FAM181B: variants seen among roughly 807,000 people sequenced by gnomAD.
The protein encoded by FAM181B is protein FAM181B.
In FAM181B, 13 loss-of-function variants were observed where a neutral mutation model predicts 17.8. The ratio of observed to expected loss-of-function variants is 0.73; its 90% confidence interval spans 0.48 to 1.16. The LOEUF (loss-of-function observed/expected upper bound fraction) is 1.16, where lower values mean the gene tolerates loss of function less well. Ranked by LOEUF, FAM181B falls within the 50% of genes most tolerant of loss-of-function variation. The pLI is 0.00. For missense variants in FAM181B, 725 were observed against 634.1 expected, an observed-to-expected ratio of 1.14 and a Z score of -1.54; for synonymous variants, 338 against 316.5, an observed-to-expected ratio of 1.07 and a Z score of -0.72.
At position 82,733,204 on chromosome 11, in the gene FAM181B, G is replaced by C; in HGVS notation, c.526C>G (p.Pro176Ala). The change falls in exon 1 of 1, where the codon CCC becomes GCC. Residue 176 changes from proline (P) to alanine (A), a missense_variant. Pro to Ala is a conservative substitution (Grantham distance 27, BLOSUM62 -1). Transcript: ENST00000329203. ...AALFDSLRHV[P>A]GGAEPAGGEV... ...CCCCCCGCCGGCTCGGCACCCCCGG[G>C]GACGTGGCGCAGCGAGTCGAAGAGC... is the stretch of plus-strand genomic sequence containing the variant. 7.6e-7 allele frequency: 1 copy of C among 1,322,522 alleles called. No homozygotes were observed. Among genetic ancestry groups the C allele is most frequent in the Non-Finnish European group, 9.6e-7 (1 of 1,044,278 alleles). The allele number at this position is 1,322,522 out of a possible 1,614,324, so 81.9% of individuals were successfully genotyped here.
In FAM181B at chr11:82,732,740, G is replaced by A. The variant is rs1333509408; in HGVS notation, c.990C>T (p.Ser330=). 2 of 1,457,910 alleles carry A rather than the reference G, an allele frequency of 1.4e-6. No individual in the cohort carries two copies. The highest frequency in any genetic ancestry group is 2.5e-5 in the East Asian group (1 of 39,678). The allele number at this position is 1,457,910 out of a possible 1,614,324, so 90.3% of individuals were successfully genotyped here. ...CAGTCAGGGGGCTCTTTTTGGTCGG[G>A]GAGCAGCCCGGGACGCTCCAGGGCT... The part of the protein sequence containing the change: ...YPEPWSVPGC[S]PTKKSPLTAP... The change falls in exon 1 of 1, where the codon TCC becomes TCT. Residue 330 remains serine, a synonymous_variant. Coordinates refer to ENST00000329203, the MANE Select transcript of FAM181B (RefSeq NM_175885.4).
rs1857132853 is a variant in FAM181B, at chr11:82,731,795, G to C, written c.*654C>G. The stretch of plus-strand genomic sequence containing the variant: ...GAAGGAAAGTAAGCACTGGGACTGT[G>C]ATAAGGGTGGAGGGAGATGGAAGCA... On this transcript the variant is annotated 3_prime_UTR_variant, in exon 1 of 1. Coordinates refer to ENST00000329203, the MANE Select transcript of FAM181B (RefSeq NM_175885.4). 1 of 152,428 alleles carries C rather than the reference G, an allele frequency of 6.6e-6. No individual in the cohort carries two copies. The highest frequency in any genetic ancestry group is 1.5e-5 in the Non-Finnish European group (1 of 68,164). 9.4% of individuals were successfully genotyped at this position (152,428 alleles called of 1,614,324 possible).
At position 82,732,703 on chromosome 11, in the gene FAM181B, C is replaced by T. The variant is rs1034579715; in HGVS notation, c.1027G>A (p.Gly343Ser). ...KKSPLTAPRGGLTLNEPLSPL... is the reference protein window; with the variant it reads ...KKSPLTAPRGSLTLNEPLSPL... ...CTCAAGGGCTCGTTCAAGGTCAAGC[C>T]GCCGCGGGGGGCAGTCAGGGGGCTC... The change falls in exon 1 of 1, where the codon GGC becomes AGC. Residue 343 changes from glycine to serine, a missense_variant. Transcript: ENST00000329203. 2 of 1,457,374 alleles carry T rather than the reference C, an allele frequency of 1.4e-6. No individual in the cohort carries two copies. The highest frequency in any genetic ancestry group is 1.5e-5 in the South Asian group (1 of 68,792). The allele number at this position is 1,457,374 out of a possible 1,614,324, so 90.3% of individuals were successfully genotyped here.
Position 82,733,643 on chromosome 11 carries a change from GA to G in FAM181B, c.86del (p.Phe29SerfsTer63). ...AACAGCAGCCCTTGTCCAGGGCTCC[GA>G]AGGCGCCCCCTAGCCCGTCCGGGGA... ...GGSPDGLGGA[F>X]GALDKGCCFE... On this transcript the variant is annotated frameshift_variant, in exon 1 of 1. Coordinates refer to ENST00000329203, the MANE Select transcript of FAM181B (RefSeq NM_175885.4). LOFTEE classifies it high-confidence loss of function. 6.3e-7 allele frequency: 1 copy of G among 1,593,192 alleles called. No individual in the cohort carries two copies.
rs199979593 is a variant in FAM181B at position 82,732,678 on chromosome 11, C to G, written c.1052G>C (p.Ser351Thr). The change falls in exon 1 of 1, where the codon AGC becomes ACC. Residue 351 changes from serine to threonine, a missense_variant. Transcript: ENST00000329203. ...ATCCGCAGCGGCGGGGTACAGGGGGCTCAAGGGCTCGTTCAAGGTCAAGCC... is the reference window on the plus strand; with the variant it reads ...ATCCGCAGCGGCGGGGTACAGGGGGGTCAAGGGCTCGTTCAAGGTCAAGCC... Reference protein sequence around the residue: ...RGGLTLNEPLSPLYPAAADSP... With the variant: ...RGGLTLNEPLTPLYPAAADSP... 3 of 1,470,110 alleles carry G rather than the reference C, an allele frequency of 2.0e-6. No homozygotes were observed. The African/African-American group carries it at 4.3e-5, about 21-fold the overall frequency. The allele number at this position is 1,470,110 out of a possible 1,614,324, so 91.1% of individuals were successfully genotyped here. A position where few individuals can be genotyped will look rare whatever the true frequency, so the allele number is the denominator to read the frequency against.
At position 82,732,733 on chromosome 11, in the gene FAM181B, T is replaced by A. The variant is rs1220020462; in HGVS notation, c.997A>T (p.Lys333Ter). 6.9e-7 allele frequency: 1 copy of A among 1,457,280 alleles called. No individual in the cohort carries two copies. Among genetic ancestry groups the A allele is most frequent in the East Asian group, 2.5e-5 (1 of 39,598 alleles). The allele number at this position is 1,457,280 out of a possible 1,614,324, so 90.3% of individuals were successfully genotyped here. A position where few individuals can be genotyped will look rare whatever the true frequency, so the allele number is the denominator to read the frequency against. Residue 333 changes from lysine to a stop codon, truncating the protein, a stop_gained, in exon 1 of 1, where the codon AAA becomes TAA. Transcript: ENST00000329203. LOFTEE classifies it high-confidence loss of function. ...PWSVPGCSPT[K>*]KSPLTAPRGG... ...CGGGGGGCAGTCAGGGGGCTCTTTTTGGTCGGGGAGCAGCCCGGGACGCTC... is the reference window on the plus strand; with the variant it reads ...CGGGGGGCAGTCAGGGGGCTCTTTTAGGTCGGGGAGCAGCCCGGGACGCTC...
In FAM181B at chr11:82,732,416, G is replaced by C. The variant is rs200966416; in HGVS notation, c.*33C>G. On this transcript the variant is annotated 3_prime_UTR_variant, in exon 1 of 1. Coordinates refer to ENST00000329203, the MANE Select transcript of FAM181B (RefSeq NM_175885.4). ...CCACGGAGGCGCGGCGCTCTCCACA[G>C]CCGTCTCTAATGAAGGGAAGCGTGC... 2 of 1,603,408 alleles carry C rather than the reference G, an allele frequency of 1.2e-6. No homozygotes were observed. Among genetic ancestry groups the C allele is most frequent in the South Asian group, 1.1e-5 (1 of 90,348 alleles).
At position 82,732,292 on chromosome 11, in the gene FAM181B, A is replaced by G; in HGVS notation, c.*157T>C. 1 of 706,938 alleles carries G rather than the reference A, an allele frequency of 1.4e-6. No individual in the cohort carries two copies. 43.8% of individuals were successfully genotyped at this position (706,938 alleles called of 1,614,324 possible). Reference sequence around the variant, plus strand: ...ATTAAACAATCCCCAACTCGTCTTCATCTCTTTTTTCTGAAGTTGCTTTTA... The same window carrying G: ...ATTAAACAATCCCCAACTCGTCTTCGTCTCTTTTTTCTGAAGTTGCTTTTA... On this transcript the variant is annotated 3_prime_UTR_variant, in exon 1 of 1. Coordinates refer to ENST00000329203, the MANE Select transcript of FAM181B (RefSeq NM_175885.4).
Position 82,730,512 on chromosome 11 carries a change from T to TTTAGACAAA in FAM181B, c.*1928_*1936dup, listed in dbSNP as rs1381631883. The TTTAGACAAA allele has an allele frequency of 2.0e-5, 3 of 152,154 alleles. No individual in the cohort carries two copies. The highest frequency in any genetic ancestry group is 4.4e-5 in the Non-Finnish European group (3 of 68,024). The allele number at this position is 152,154 out of a possible 1,614,324, so 9.4% of individuals were successfully genotyped here. ...GTATCCTGGATTGTATTCACAACAG[T>TTTAGACAAA]TTAGACAAATTAAATCGTTATTAAG... On this transcript the variant is annotated 3_prime_UTR_variant, in exon 1 of 1. Coordinates refer to ENST00000329203, the MANE Select transcript of FAM181B (RefSeq NM_175885.4).
Position 82,733,674 on chromosome 11 carries a change from C to G in FAM181B, c.56G>C (p.Gly19Ala), listed in dbSNP as rs779968719. ...GCCCCCTAGCCCGTCCGGGGAGCCC[C>G]CGAAGCCGAAGGGCACGAAAGGGTG... ...STHPFVPFGFGGSPDGLGGAF... is the reference protein window; with the variant it reads ...STHPFVPFGFAGSPDGLGGAF... Residue 19 changes from glycine (G) to alanine (A), a missense_variant, in exon 1 of 1, where the codon GGG becomes GCG. Coordinates refer to ENST00000329203, the MANE Select transcript of FAM181B (RefSeq NM_175885.4). 8 of 1,544,038 alleles carry G rather than the reference C, an allele frequency of 5.2e-6. No individual in the cohort carries two copies. The highest frequency in any genetic ancestry group is 1.7e-4 in the Middle Eastern group (1 of 5,930).
In FAM181B at chr11:82,732,861, A is replaced by C. The variant is rs548092872; in HGVS notation, c.869T>G (p.Phe290Cys). The stretch of plus-strand genomic sequence containing the variant: ...CCGCAGTACGGAGGCTCCGGCGGGG[A>C]ACACGTCGAGAGGCTCGGCGGCAAG... ...VLLAAEPLDV[F>C]PAGASVLRGP... The change falls in exon 1 of 1, where the codon TTC becomes TGC. Residue 290 changes from phenylalanine to cysteine, a missense_variant. Coordinates refer to ENST00000329203, the MANE Select transcript of FAM181B (RefSeq NM_175885.4). 9 of 1,541,070 alleles carry C rather than the reference A, an allele frequency of 5.8e-6. No individual in the cohort carries two copies. In the Admixed American group the frequency reaches 1.6e-4, roughly 27 times the overall value.
Position 82,733,342 on chromosome 11 carries a change from C to T in FAM181B, c.388G>A (p.Ala130Thr), listed in dbSNP as rs1192004961. Residue 130 changes from alanine to threonine, a missense_variant, in exon 1 of 1, where the codon GCC (alanine) becomes ACC (threonine). Physicochemically the swap from Ala to Thr is moderately conservative, Grantham distance 58 (BLOSUM62 0). Coordinates refer to ENST00000329203, the MANE Select transcript of FAM181B (RefSeq NM_175885.4). The part of the protein sequence containing the change: ...AADTPAKRPL[A>T]APSAPTVAAP... Reference sequence around the variant, plus strand: ...GCGACTGTCGGGGCGCTAGGGGCGGCCAGCGGCCGTTTGGCTGGCGTGTCG... The same window carrying T: ...GCGACTGTCGGGGCGCTAGGGGCGGTCAGCGGCCGTTTGGCTGGCGTGTCG... 7.6e-7 allele frequency: 1 copy of T among 1,322,866 alleles called. No homozygotes were observed. 81.9% of individuals were successfully genotyped at this position (1,322,866 alleles called of 1,614,324 possible).
Position 82,732,537 on chromosome 11 carries a change from C to A in FAM181B, c.1193G>T (p.Gly398Val). The change falls in exon 1 of 1, where the codon GGC becomes GTC. Residue 398 changes from glycine (G) to valine (V), a missense_variant. Physicochemically the swap from Gly to Val is moderately radical, Grantham distance 109. Transcript: ENST00000329203. The stretch of plus-strand genomic sequence containing the variant: ...GCTGGAATAGGCGGTGCGGCTGTAG[C>A]CCGCGCTGTAATCGTAGGACACCTG... The part of the protein sequence containing the change: ...PHQVSYDYSA[G>V]YSRTAYSSLW... 1 of 1,612,158 alleles carries A rather than the reference C, an allele frequency of 6.2e-7. No individual in the cohort carries two copies. The highest frequency in any genetic ancestry group is 8.5e-7 in the Non-Finnish European group (1 of 1,179,722).
At position 82,732,889 on chromosome 11, in the gene FAM181B, A is replaced by C; in HGVS notation, c.841T>G (p.Leu281Val). The C allele has an allele frequency of 1.9e-6, 3 of 1,543,454 alleles. No individual in the cohort carries two copies. The highest frequency in any genetic ancestry group is 2.6e-6 in the Non-Finnish European group (3 of 1,147,392). The part of the protein sequence containing the change: ...DYGAGTEAAV[L>V]LAAEPLDVFP... ...ACGTCGAGAGGCTCGGCGGCAAGCA[A>C]GACTGCCGCCTCCGTGCCGGCGCCG... The change falls in exon 1 of 1, where the codon TTG becomes GTG. Residue 281 changes from leucine (L) to valine (V), a missense_variant. By Grantham distance (32) the Leu-to-Val change is conservative. Coordinates refer to ENST00000329203, the MANE Select transcript of FAM181B (RefSeq NM_175885.4).
In FAM181B at chr11:82,730,189, C is replaced by T. The variant is rs1857113562; in HGVS notation, c.*2260G>A. 1 of 152,172 alleles carries T rather than the reference C, an allele frequency of 6.6e-6. No individual in the cohort carries two copies. The highest frequency in any genetic ancestry group is 6.5e-5 in the Admixed American group (1 of 15,272). 9.4% of individuals were successfully genotyped at this position (152,172 alleles called of 1,614,324 possible). A position where few individuals can be genotyped will look rare whatever the true frequency, so the allele number is the denominator to read the frequency against. ...AATCACCTTCCACTAGGACCTCCCTCGACATGTGGGGATTACAATTAGAGA... is the reference window on the plus strand; with the variant it reads ...AATCACCTTCCACTAGGACCTCCCTTGACATGTGGGGATTACAATTAGAGA... On this transcript the variant is annotated 3_prime_UTR_variant, in exon 1 of 1. Transcript: ENST00000329203.
In FAM181B at chr11:82,732,631, G is replaced by A; in HGVS notation, c.1099C>T (p.Arg367Trp). The A allele has an allele frequency of 6.6e-7, 1 of 1,521,492 alleles. No individual in the cohort carries two copies. The highest frequency in any genetic ancestry group is 8.8e-7 in the Non-Finnish European group (1 of 1,132,858). 94.2% of individuals were successfully genotyped at this position (1,521,492 alleles called of 1,614,324 possible). ...GGGGCGAAAGAGGCCAAATGGCCCC[G>A]CCCGTCCTCCCCGCCGGGAGAATCC... Reference protein sequence around the residue: ...AADSPGGEDGRGHLASFAPFF... With the variant: ...AADSPGGEDGWGHLASFAPFF... Residue 367 changes from arginine to tryptophan, a missense_variant, in exon 1 of 1, where the codon CGG becomes TGG. Transcript: ENST00000329203.
rs1160658074 is a variant in FAM181B at position 82,733,686 on chromosome 11, G to A, written c.44C>T (p.Pro15Leu). 3 of 1,526,924 alleles carry A rather than the reference G, an allele frequency of 2.0e-6. No individual in the cohort carries two copies. The African/African-American group carries it at 4.2e-5, about 21-fold the overall frequency. The allele number at this position is 1,526,924 out of a possible 1,614,324, so 94.6% of individuals were successfully genotyped here. A position where few individuals can be genotyped will look rare whatever the true frequency, so the allele number is the denominator to read the frequency against. Residue 15 changes from proline to leucine, a missense_variant, in exon 1 of 1, where the codon CCC becomes CTC. Coordinates refer to ENST00000329203, the MANE Select transcript of FAM181B (RefSeq NM_175885.4). ...GTCCGGGGAGCCCCCGAAGCCGAAG[G>A]GCACGAAAGGGTGCGTGCTGAGGAG... ...AALLSTHPFV[P>L]FGFGGSPDGL... is the part of the protein sequence containing the mutation.
chr11:82,733,616 G>A lies in FAM181B; in HGVS notation c.114C>T (p.Phe38=), dbSNP rs773906493. The A allele has an allele frequency of 2.4e-5, 39 of 1,602,874 alleles. No homozygotes were observed. The African/African-American group carries it at 4.9e-4, about 20-fold the overall frequency. ...AFGALDKGCC[F]EDDETGAPAG... is the part of the protein sequence containing the mutation. ...CCGGAGCCCCGGTCTCATCGTCCTCGAAACAGCAGCCCTTGTCCAGGGCTC... is the reference window on the plus strand; with the variant it reads ...CCGGAGCCCCGGTCTCATCGTCCTCAAAACAGCAGCCCTTGTCCAGGGCTC... Residue 38 remains phenylalanine (F), a synonymous_variant, in exon 1 of 1, where the codon TTC becomes TTT. Coordinates refer to ENST00000329203, the MANE Select transcript of FAM181B (RefSeq NM_175885.4).
Position 82,733,053 on chromosome 11 carries a change from T to C in FAM181B, c.677A>G (p.Asn226Ser), listed in dbSNP as rs762048411. Residue 226 changes from asparagine (N) to serine (S), a missense_variant, in exon 1 of 1, where the codon AAT (asparagine) becomes AGT (serine). Asn to Ser is a conservative substitution (Grantham distance 46). Coordinates refer to ENST00000329203, the MANE Select transcript of FAM181B (RefSeq NM_175885.4). ...GARKVPLRARNLPPSFFTEPS... is the reference protein window; with the variant it reads ...GARKVPLRARSLPPSFFTEPS... ...CTCCGTGAAGAAGGACGGAGGCAGA[T>C]TGCGTGCCCGCAGCGGGACCTTCCT... is the stretch of plus-strand genomic sequence containing the variant. 70 of 1,527,788 alleles carry C rather than the reference T, an allele frequency of 4.6e-5. 1 individual carries two copies. Among genetic ancestry groups the C allele is most frequent in the South Asian group, 2.8e-4 (23 of 81,438 alleles). 94.6% of individuals were successfully genotyped at this position (1,527,788 alleles called of 1,614,324 possible). A position where few individuals can be genotyped will look rare whatever the true frequency, so the allele number is the denominator to read the frequency against.
Sources: allele counts gnomAD v4.1 joint callset, GRCh38; gene constraint gnomAD v4.1.1; transcripts MANE v1.5; gene names NCBI Gene and HGNC (gene_info 2026-07-23, HGNC 2026-07-21).